The following HAUS2 variants were observed in gnomAD, a reference collection of about 807,000 sequenced individuals.
HAUS2 encodes HAUS augmin like complex subunit 2.
In HAUS2, 20 loss-of-function variants were observed where a neutral mutation model predicts 21.6. That is an observed-to-expected ratio of 0.93 (90% CI 0.65 to 1.35). The LOEUF (loss-of-function observed/expected upper bound fraction) is 1.35, where lower values mean the gene tolerates loss of function less well. HAUS2 is among the 40% of genes most tolerant of loss of function. The probability of loss-of-function intolerance (pLI) is 0.00; values close to 1 mark genes in which losing one functional copy is unlikely to be tolerated. For synonymous variants in HAUS2, 113 were observed against 95.6 expected, an observed-to-expected ratio of 1.18 and a Z score of -1.06; for missense variants, 297 against 280.7, an observed-to-expected ratio of 1.06 and a Z score of -0.42.
intron 1 of HAUS2, among the ~76,000 whole-genome samples, chr15:42,549,670 C>G (rs936372999): frequency 1.2e-4 from 18 of 149,586 alleles, no homozygotes; most frequent in African/African-American, 4.2e-4. Flanking sequence ...AGGATGGTCC[C>G]GATCTCCTGA....
chr15:42,566,955 T>C lies in HAUS2; in HGVS notation c.*139T>C, dbSNP rs1019131149. The C allele has an allele frequency of 1.9e-6, 1 of 532,846 alleles. No homozygotes were observed. The highest frequency in any genetic ancestry group is 1.9e-5 in the African/African-American group (1 of 51,772). The allele number at this position is 532,846 out of a possible 1,614,324, so 33.0% of individuals were successfully genotyped here. A position where few individuals can be genotyped will look rare whatever the true frequency, so the allele number is the denominator to read the frequency against. ...TATATTGGAGTATCAAGATCTCAGGTTCATTAAGACCAAACTGACTTTTCC... is the reference window on the plus strand; with the variant it reads ...TATATTGGAGTATCAAGATCTCAGGCTCATTAAGACCAAACTGACTTTTCC... On this transcript the variant is annotated 3_prime_UTR_variant, in exon 6 of 6. Transcript: ENST00000260372.
chr15:42,553,314 TGCCTA>T (rs1429297590), intron 1 of HAUS2, among the ~76,000 whole-genome samples: 2 of 152,128 alleles, frequency 1.3e-5, no homozygotes, highest in Admixed American at 6.6e-5. Flanking sequence ...CTTCTTCTTG[TGCCTA>T]GCCACGGAAT....
chr15:42,562,195 A>G (rs1183541499), intron 4 of HAUS2, among the ~76,000 whole-genome samples: 1 of 152,170 alleles, frequency 6.6e-6, no homozygotes, highest in Non-Finnish European at 1.5e-5. Flanking sequence ...TCTCATTGCT[A>G]ACTTTCTCCG....
At chr15:42,566,509 GA>G in intron 5 of HAUS2, 97 bp from the exon 6 acceptor site, 1 of 717,366 alleles carries the variant, frequency 1.4e-6, no homozygotes, top group South Asian at 1.7e-5. Context: ...TAAGGGGCTG[GA>G]AAAAGATCAT....
In HAUS2 at chr15:42,548,843, T is replaced by C. The variant is rs1261060175; in HGVS notation, c.-30T>C. ...TTCGCCCTGCGATCCCGCTCACTCT[T>C]GGCGCCTTCGCGGAAGGTGCGTCCG... On this transcript the variant is annotated 5_prime_UTR_variant, in exon 1 of 6. Coordinates refer to ENST00000260372, the MANE Select transcript of HAUS2 (RefSeq NM_018097.3). The C allele has an allele frequency of 2.0e-6, 3 of 1,516,318 alleles. No individual in the cohort carries two copies. Among genetic ancestry groups the C allele is most frequent in the East Asian group, 4.9e-5 (2 of 40,742 alleles). 93.9% of individuals were successfully genotyped at this position (1,516,318 alleles called of 1,614,324 possible).
intron 1 of HAUS2, among the ~76,000 whole-genome samples, chr15:42,555,595 A>AT (rs2057764788): frequency 6.6e-6 from 1 of 152,134 alleles, no homozygotes; most frequent in Non-Finnish European, 1.5e-5. Context: ...TTTCACATAT[A>AT]TGCTAACACT....
chr15:42,551,002 T>C (rs1438172123), intron 1 of HAUS2, among the ~76,000 whole-genome samples: 4 of 149,762 alleles, frequency 2.7e-5, no homozygotes, highest in East Asian at 2.0e-4. Flanking sequence ...CTTTTCTTTT[T>C]TTTTTTTTTC....
intron 4 of HAUS2, 123 bp downstream of exon 4, chr15:42,561,525 G>T: frequency 1.5e-6 from 1 of 646,186 alleles, no homozygotes. Flanking sequence ...CATTATTAAT[G>T]GTGATATATT....
chr15:42,561,764 CTG>C (rs1461648155), intron 4 of HAUS2: 13 of 195,000 alleles, frequency 6.7e-5, no homozygotes, highest in African/African-American at 3.0e-4. Context: ...CGGGGTTTAA[CTG>C]GGGCAGATGA....
intron 1 of HAUS2, among the ~76,000 whole-genome samples, chr15:42,550,957 G>A (rs1307473221): frequency 3.3e-5 from 5 of 150,006 alleles, no homozygotes; most frequent in Non-Finnish European, 7.4e-5. Context: ...GTGAGCCACT[G>A]CACCCGGCCC....
intron 4 of HAUS2, among the ~76,000 whole-genome samples, chr15:42,561,843 A>G (rs1036845665): frequency 6.6e-6 from 1 of 152,198 alleles, no homozygotes; most frequent in East Asian, 1.9e-4. Context: ...TATATGCCTC[A>G]AAGCCTTGAG....
At chr15:42,551,397 T>C (rs1204215045) in intron 1 of HAUS2, among the ~76,000 whole-genome samples, 1 of 151,950 alleles carries the variant, frequency 6.6e-6, no homozygotes, top group East Asian at 1.9e-4. Context: ...TCCCAACACT[T>C]TGGGAGGCCG....
chr15:42,563,048 G>A (rs1246042587), intron 4 of HAUS2, among the ~76,000 whole-genome samples: 1 of 151,526 alleles, frequency 6.6e-6, no homozygotes, highest in East Asian at 1.9e-4. Flanking sequence ...AGGAGGCAGA[G>A]ATTACAGTGA....
At position 42,549,571 on chromosome 15, in the gene HAUS2, G is replaced by C. The variant is rs1456623689; in HGVS notation, c.93+606G>C. ...AAGCGATTCTCCTGCCTCAGCCTCTGGAGTAGCTGGGACTACAGGCGCCCA... is the reference window on the plus strand; with the variant it reads ...AAGCGATTCTCCTGCCTCAGCCTCTCGAGTAGCTGGGACTACAGGCGCCCA... On this transcript the variant is annotated intron_variant, in intron 1 of 5. Coordinates refer to ENST00000260372, the MANE Select transcript of HAUS2 (RefSeq NM_018097.3). Among the ~76,000 whole-genome samples, 5 of 151,418 alleles carry C rather than the reference G, an allele frequency of 3.3e-5. No individual in the cohort carries two copies. In the East Asian group the frequency reaches 9.7e-4, roughly 29 times the overall value.
At chr15:42,551,423 C>T (rs2057724148) in intron 1 of HAUS2, among the ~76,000 whole-genome samples, 5 of 151,922 alleles carry the variant, frequency 3.3e-5, no homozygotes, top group Admixed American at 3.3e-4. Flanking sequence ...GGTGGATCAC[C>T]TGAGGTCAGG....
Position 42,568,571 on chromosome 15 carries a change from G to A in HAUS2, c.*1755G>A, listed in dbSNP as rs562920871. On this transcript the variant is annotated 3_prime_UTR_variant, in exon 6 of 6. Coordinates refer to ENST00000260372, the MANE Select transcript of HAUS2 (RefSeq NM_018097.3). The stretch of plus-strand genomic sequence containing the variant: ...GACATATTTAAACCTTAACAGGAGG[G>A]CTCCACTCACTGAAAAGAGTCGTTC... The A allele has an allele frequency of 1.2e-4, 18 of 152,262 alleles. No homozygotes were observed. Among genetic ancestry groups the A allele is most frequent in the African/African-American group, 4.3e-4 (18 of 41,556 alleles). 9.4% of individuals were successfully genotyped at this position (152,262 alleles called of 1,614,324 possible). A position where few individuals can be genotyped will look rare whatever the true frequency, so the allele number is the denominator to read the frequency against.
At position 42,548,999 on chromosome 15, in the gene HAUS2, G is replaced by C. The variant is rs201932565; in HGVS notation, c.93+34G>C. The C allele has an allele frequency of 3.7e-6, 5 of 1,351,784 alleles. No individual in the cohort carries two copies. In the South Asian group the frequency reaches 6.2e-5, roughly 17 times the overall value. 83.7% of individuals were successfully genotyped at this position (1,351,784 alleles called of 1,614,324 possible). A position where few individuals can be genotyped will look rare whatever the true frequency, so the allele number is the denominator to read the frequency against. On this transcript the variant is annotated intron_variant, in intron 1 of 5. Transcript: ENST00000260372. ...GGGTGGCGGTGGTGTCATCAAGGGG[G>C]TGCCCAAGGTGGCAACAATATGGCT...
At chr15:42,560,386 TAGAGAG>T (rs146328893) in intron 3 of HAUS2, among the ~76,000 whole-genome samples, 24 of 145,386 alleles carry the variant, frequency 1.7e-4, no homozygotes, top group Middle Eastern at 3.6e-3. Context: ...CAGCAAAAAT[TAGAGAG>T]AGAGAGAGAG....
In HAUS2 at chr15:42,563,831, C is replaced by T. The variant is rs1377667823; in HGVS notation, c.472C>T (p.His158Tyr). 6.6e-6 allele frequency: 10 copies of T among 1,520,404 alleles called. No homozygotes were observed. The African/African-American group carries it at 9.7e-5, about 15-fold the overall frequency. 94.2% of individuals were successfully genotyped at this position (1,520,404 alleles called of 1,614,324 possible). A position where few individuals can be genotyped will look rare whatever the true frequency, so the allele number is the denominator to read the frequency against. ...CCTTGAAACAATTAGAAATATTCCT[C>T]ATTTAGCTGCAAATCTAAAGAAAAT... ...THLETIRNIP[H>Y]LAANLKKMNQ... is the part of the protein sequence containing the mutation. The change falls in exon 5 of 6, where the codon CAT becomes TAT. Residue 158 changes from histidine (H) to tyrosine (Y), a missense_variant. Transcript: ENST00000260372.
Sources: gnomAD v4.1 joint callset for allele counts (sites outside exome capture counted in the v4.1 genomes callset) on GRCh38, gnomAD v4.1.1 for gene constraint, MANE v1.5 for transcripts, NCBI Gene and HGNC (gene_info 2026-07-23, HGNC 2026-07-21) for gene names.